The following TRPC4 variants were observed in gnomAD, a reference collection of about 807,000 sequenced individuals.
TRPC4 encodes transient receptor potential cation channel subfamily C member 4, also known as short transient receptor potential channel 4.
A neutral mutation model predicts 99.4 loss-of-function variants in TRPC4; 49 were observed. That is an observed-to-expected ratio of 0.49 (90% CI 0.39 to 0.63). TRPC4 has a LOEUF of 0.63. TRPC4 is among the 20% of genes least tolerant of loss of function. TRPC4 has a pLI of 0.00. For missense variants in TRPC4, 898 were observed against 1,152.9 expected (o/e 0.78, Z 3.20); for synonymous variants, 454 against 425.9 (o/e 1.07, Z -0.81).
chr13:37,746,164 T>C lies in TRPC4; in HGVS notation c.670A>G (p.Ser224Gly). The C allele has an allele frequency of 6.2e-7, 1 of 1,613,892 alleles. No homozygotes were observed. The highest frequency in any genetic ancestry group is 1.1e-5 in the South Asian group (1 of 91,086). The change falls in exon 3 of 11, where the codon AGT (serine) becomes GGT (glycine). Residue 224 changes from serine to glycine, a missense_variant. Coordinates refer to ENST00000379705, the MANE Select transcript of TRPC4 (RefSeq NM_016179.4). ...EDPFLTAFQL[S>G]WELQELSKVE... is the part of the protein sequence containing the mutation. ...TTGCTCAGTTCCTGAAGTTCCCAAC[T>C]TAACTGAAAGGCTGTGAGAAAAGGA...
intron 6 of TRPC4, among the ~76,000 whole-genome samples, chr13:37,662,175 T>C (rs1566077423): frequency 1.3e-5 from 2 of 151,990 alleles, no homozygotes. Context: ...CCGGGCGTGG[T>C]GGTGGGTGCC....
intron 1 of TRPC4, among the ~76,000 whole-genome samples, chr13:37,850,441 T>A (rs143362354): frequency 2.6e-5 from 4 of 152,342 alleles, no homozygotes; most frequent in African/African-American, 9.6e-5. Flanking sequence ...ATTCCTGATG[T>A]GAAAGATGGT....
At position 37,637,064 on chromosome 13, in the gene TRPC4, T is replaced by C. The variant is rs377601240; in HGVS notation, c.2773A>G (p.Lys925Glu). 6 of 1,613,654 alleles carry C rather than the reference T, an allele frequency of 3.7e-6. No homozygotes were observed. The African/African-American group carries it at 6.7e-5, about 18-fold the overall frequency. The change falls in exon 11 of 11, where the codon AAG becomes GAG. Residue 925 changes from lysine to glutamate, a missense_variant. This residue lies in a region of TRPC4 where 346 missense variants were observed against 351.4 expected (regional missense o/e 0.98). Transcript: ENST00000379705. The part of the protein sequence containing the change: ...NTDTLGLQVG[K>E]RVCPFKSEKV... ...TCTGACTTGAATGGACACACTCTCT[T>C]TCCTACCTGTAACCCCAGTGTGTCC...
chr13:37,723,338 C>T (rs773677969), intron 3 of TRPC4, among the ~76,000 whole-genome samples: 1 of 151,976 alleles, frequency 6.6e-6, no homozygotes, highest in Admixed American at 6.6e-5. Context: ...TGAGAATAAA[C>T]ACCTAATCCA....
chr13:37,844,339 G>C (rs915315493), intron 1 of TRPC4, among the ~76,000 whole-genome samples: 1 of 151,804 alleles, frequency 6.6e-6, no homozygotes, highest in African/African-American at 2.4e-5. Flanking sequence ...TTGTTGCCCA[G>C]GCTGGAGTGC....
At chr13:37,747,337 A>T (rs1357804100) in intron 2 of TRPC4, among the ~76,000 whole-genome samples, 3 of 152,172 alleles carry the variant, frequency 2.0e-5, no homozygotes, top group Admixed American at 6.5e-5. Context: ...ATTTCCACAT[A>T]CTTTAAAGAC....
chr13:37,645,139 A>C (rs1475935606), intron 8 of TRPC4, among the ~76,000 whole-genome samples: 2 of 151,864 alleles, frequency 1.3e-5, no homozygotes, highest in African/African-American at 4.8e-5. Context: ...TTTCAAGGAG[A>C]AGATGAGGGC....
intron 4 of TRPC4, among the ~76,000 whole-genome samples, chr13:37,682,956 A>G (rs1361816701): frequency 1.4e-5 from 2 of 148,060 alleles, no homozygotes; most frequent in African/African-American, 5.0e-5. Context: ...GTAGAAAAGA[A>G]ATCTCTCTAT....
chr13:37,661,503 C>T (rs536698796), intron 6 of TRPC4, among the ~76,000 whole-genome samples: 6 of 152,192 alleles, frequency 3.9e-5, no homozygotes, highest in African/African-American at 2.4e-5. Flanking sequence ...TTAAATGCTA[C>T]GTGGAAGTTC....
chr13:37,800,432 T>C (rs140659986), intron 1 of TRPC4, among the ~76,000 whole-genome samples: 78 of 152,298 alleles, frequency 5.1e-4, no homozygotes, highest in African/African-American at 1.7e-3. Context: ...TTCCAAACTA[T>C]TGGAGAGGTA....
At chr13:37,807,810 C>A (rs1957566414) in intron 1 of TRPC4, among the ~76,000 whole-genome samples, 2 of 151,890 alleles carry the variant, frequency 1.3e-5, no homozygotes, top group Non-Finnish European at 2.9e-5. Flanking sequence ...AAGCACCGAG[C>A]CAAAGGTGAT....
chr13:37,821,190 C>CCA (rs3086254), intron 1 of TRPC4, among the ~76,000 whole-genome samples: 23,807 of 135,722 alleles, frequency 0.18, 2,099 homozygotes, highest in Admixed American at 0.27. Flanking sequence ...TTCACAATAG[C>CCA]CACACACACA....
intron 2 of TRPC4, among the ~76,000 whole-genome samples, chr13:37,777,453 T>C (rs1381907865): frequency 1.3e-5 from 2 of 151,852 alleles, no homozygotes; most frequent in East Asian, 1.9e-4. Context: ...ACTAGGGAGA[T>C]GGTACTAAAC....
intron 3 of TRPC4, among the ~76,000 whole-genome samples, chr13:37,701,054 A>T (rs982380127): frequency 6.6e-6 from 1 of 152,182 alleles, no homozygotes; most frequent in Non-Finnish European, 1.5e-5. Flanking sequence ...GAGGCAACAC[A>T]GTCACCGACC....
intron 1 of TRPC4, among the ~76,000 whole-genome samples, chr13:37,832,910 C>G (rs534299564): frequency 3.9e-5 from 6 of 152,202 alleles, no homozygotes; most frequent in Middle Eastern, 3.4e-3. Flanking sequence ...TTATGCTAAA[C>G]TATTTTCATG....
chr13:37,798,173 T>C (rs1216105187), intron 1 of TRPC4, among the ~76,000 whole-genome samples: 2 of 152,172 alleles, frequency 1.3e-5, no homozygotes, highest in African/African-American at 4.8e-5. Flanking sequence ...TGTTCTTTAA[T>C]TCAAGTTTCC....
At chr13:37,718,484 C>T (rs976109128) in intron 3 of TRPC4, among the ~76,000 whole-genome samples, 1 of 151,774 alleles carries the variant, frequency 6.6e-6, no homozygotes, top group African/African-American at 2.4e-5. Flanking sequence ...ATTTAGCAGA[C>T]ATAGACTTTA....
chr13:37,772,856 A>G (rs774452421), intron 2 of TRPC4, among the ~76,000 whole-genome samples: 1 of 151,700 alleles, frequency 6.6e-6, no homozygotes, highest in Admixed American at 6.6e-5. Context: ...AGGCCGCCCA[A>G]CAGGGTAATA....
chr13:37,786,454 G>A (rs1026293681), intron 1 of TRPC4, among the ~76,000 whole-genome samples: 1 of 151,734 alleles, frequency 6.6e-6, no homozygotes. Flanking sequence ...TGAGATGCGG[G>A]GATACTAACT....
Sources: allele counts gnomAD v4.1 joint callset (sites outside exome capture counted in the v4.1 genomes callset), GRCh38; gene constraint gnomAD v4.1.1; regional missense constraint gnomAD v4.1.1; transcripts MANE v1.5; gene names NCBI Gene and HGNC (gene_info 2026-07-23, HGNC 2026-07-21).